The following PCDH7 variants were observed in gnomAD, a reference collection of about 807,000 sequenced individuals.
PCDH7 encodes protocadherin-7.
In PCDH7, 17 loss-of-function variants were observed where a neutral mutation model predicts 58.9. That is an observed-to-expected ratio of 0.29 (90% CI 0.20 to 0.43). The LOEUF (loss-of-function observed/expected upper bound fraction) is 0.43. Among genes scored for constraint, PCDH7 ranks in the 20% least tolerant of loss-of-function variants. The pLI, the probability that PCDH7 is intolerant of heterozygous loss-of-function variation, is 1.00. For missense variants in PCDH7, 1,274 were observed against 1,441.0 expected, an observed-to-expected ratio of 0.88 and a Z score of 1.88; for synonymous variants, 664 against 616.4, an observed-to-expected ratio of 1.08 and a Z score of -1.14.
intron 3 of PCDH7, among the ~76,000 whole-genome samples, chr4:31,125,695 T>TTG (rs1578864462): frequency 6.6e-6 from 1 of 152,324 alleles, no homozygotes; most frequent in East Asian, 1.9e-4. Context: ...CCAGAGGATC[T>TTG]CAAGGGTGAA....
intron 3 of PCDH7, among the ~76,000 whole-genome samples, chr4:31,099,908 GATCTTTACATTAAAAGCA>G (rs1284168792): frequency 6.7e-6 from 1 of 149,250 alleles, no homozygotes; most frequent in Non-Finnish European, 1.5e-5. Context: ...AGGGTAATGT[GATCTTTACATTAAAAGCA>G]TTTAACTTTG....
intron 1 of PCDH7, among the ~76,000 whole-genome samples, chr4:30,864,877 A>C (rs1176479513): frequency 6.6e-6 from 1 of 152,108 alleles, no homozygotes; most frequent in Non-Finnish European, 1.5e-5. Context: ...AATTCAAATA[A>C]AAAAATGAAG....
chr4:30,804,793 C>G, intron 1 of PCDH7, among the ~76,000 whole-genome samples: 1 of 152,144 alleles, frequency 6.6e-6, no homozygotes, highest in East Asian at 1.9e-4. Flanking sequence ...CATAAAATAT[C>G]TAACTAAAAT....
intron 1 of PCDH7, among the ~76,000 whole-genome samples, chr4:30,859,060 C>T (rs940648659): frequency 6.6e-6 from 1 of 152,118 alleles, no homozygotes; most frequent in Middle Eastern, 3.2e-3. Context: ...TGCAAACAGC[C>T]TTTCCTTTTT....
chr4:30,840,879 A>C (rs1731125779), intron 1 of PCDH7, among the ~76,000 whole-genome samples: 2 of 149,674 alleles, frequency 1.3e-5, no homozygotes, highest in African/African-American at 2.4e-5. Flanking sequence ...CTCTCATATA[A>C]TTTCTTTGGC....
At position 31,037,589 on chromosome 4, in the gene PCDH7, AAG is replaced by A. The variant is rs781236476; in HGVS notation, c.*7+87375_*7+87376del. ...TATCTTCAATGATTAAAATATTCAA[AAG>A]TCTCAAGTGTTGGAAGAAATGCTCT... On this transcript the variant is annotated intron_variant, in intron 3 of 3. Transcript: ENST00000509759. Among the ~76,000 whole-genome samples, 8 of 152,196 alleles carry A rather than the reference AAG, an allele frequency of 5.3e-5. No homozygotes were observed. The East Asian group carries it at 1.5e-3, about 29-fold the overall frequency.
At chr4:31,066,660 A>G (rs911468621) in intron 3 of PCDH7, among the ~76,000 whole-genome samples, 1 of 151,886 alleles carries the variant, frequency 6.6e-6, no homozygotes, top group Non-Finnish European at 1.5e-5. Context: ...ATGCTTTGCT[A>G]TAATGCTTGA....
intron 1 of PCDH7, among the ~76,000 whole-genome samples, chr4:30,789,118 G>A (rs1466035925): frequency 1.3e-5 from 2 of 152,112 alleles, no homozygotes; most frequent in African/African-American, 4.8e-5. Context: ...AAGTTATCGT[G>A]TTCTGGGATC....
intron 2 of PCDH7, among the ~76,000 whole-genome samples, chr4:30,929,751 T>C (rs1003888051): frequency 1.1e-4 from 16 of 152,156 alleles, no homozygotes; most frequent in Non-Finnish European, 1.5e-4. Flanking sequence ...AATGAAGTTG[T>C]TAGGAAGCCC....
chr4:30,847,019 A>G (rs1055613143), intron 1 of PCDH7, among the ~76,000 whole-genome samples: 2 of 152,038 alleles, frequency 1.3e-5, no homozygotes, highest in African/African-American at 4.8e-5. Context: ...GCTACCTGGG[A>G]GGCTGAGGTG....
chr4:30,830,434 G>A (rs28533358), intron 1 of PCDH7, among the ~76,000 whole-genome samples: 43,404 of 151,748 alleles, frequency 0.29, 6,553 homozygotes, highest in East Asian at 0.49. Context: ...TTCACATTTT[G>A]CATATTTTCT....
intron 3 of PCDH7, among the ~76,000 whole-genome samples, chr4:31,108,812 T>C (rs1420464889): frequency 6.6e-6 from 1 of 152,126 alleles, no homozygotes; most frequent in African/African-American, 2.4e-5. Flanking sequence ...GTGCAGAGAA[T>C]ACTATCAGCC....
chr4:31,062,544 T>C (rs1757770267), intron 3 of PCDH7, among the ~76,000 whole-genome samples: 1 of 151,858 alleles, frequency 6.6e-6, no homozygotes, highest in African/African-American at 2.4e-5. Context: ...TTCTGAGTTG[T>C]AGAGGTGCCT....
intron 3 of PCDH7, among the ~76,000 whole-genome samples, chr4:31,112,786 T>C (rs1295531768): frequency 6.6e-6 from 1 of 152,234 alleles, no homozygotes; most frequent in African/African-American, 2.4e-5. Context: ...TAGTCATTAC[T>C]GATAGTGTTC....
downstream of PCDH7, among the ~76,000 whole-genome samples, chr4:30,737,210 C>T (rs544710330): frequency 2.0e-5 from 3 of 152,282 alleles, no homozygotes; most frequent in Admixed American, 6.5e-5. Flanking sequence ...GCTCTGATTA[C>T]ATGACAGGGT....
At chr4:30,885,633 T>C (rs1221747940) in intron 1 of PCDH7, among the ~76,000 whole-genome samples, 2 of 152,094 alleles carry the variant, frequency 1.3e-5, no homozygotes, top group Non-Finnish European at 2.9e-5. Flanking sequence ...TTAAAGTTCA[T>C]ATGGAACCAA....
chr4:30,812,451 A>G (rs892012399), intron 1 of PCDH7, among the ~76,000 whole-genome samples: 1 of 152,200 alleles, frequency 6.6e-6, no homozygotes, highest in Non-Finnish European at 1.5e-5. Flanking sequence ...CAGGACATTA[A>G]TTCTTAAGTA....
intron 1 of PCDH7, among the ~76,000 whole-genome samples, chr4:30,900,786 T>C (rs1319085330): frequency 6.6e-6 from 1 of 152,154 alleles, no homozygotes; most frequent in Non-Finnish European, 1.5e-5. Flanking sequence ...GGGGAGTTCC[T>C]GGGCTTAAAG....
At chr4:31,063,864 A>G (rs1757884808) in intron 3 of PCDH7, among the ~76,000 whole-genome samples, 2 of 152,010 alleles carry the variant, frequency 1.3e-5, no homozygotes, top group Middle Eastern at 3.4e-3. Context: ...AAATGTCCCC[A>G]TTTTATAGAT....
Sources: allele counts gnomAD v4.1 joint callset (sites outside exome capture counted in the v4.1 genomes callset), GRCh38; gene constraint gnomAD v4.1.1; transcripts MANE v1.5; gene names NCBI Gene and HGNC (gene_info 2026-07-23, HGNC 2026-07-21).